The following HELZ variants were observed in gnomAD, a reference collection of about 807,000 sequenced individuals.
HELZ encodes ATP-dependent RNA helicase with zinc finger domain.
In HELZ, 23 loss-of-function variants were observed where a neutral mutation model predicts 218.2. The observed-to-expected ratio is 0.11, with a 90% CI of 0.08 to 0.15. HELZ has a LOEUF of 0.15. HELZ is among the 10% of genes least tolerant of loss of function. The pLI, the probability that HELZ is intolerant of heterozygous loss-of-function variation, is 1.00. For synonymous variants in HELZ, 814 were observed against 829.4 expected, an observed-to-expected ratio of 0.98 and a Z score of 0.32; for missense variants, 1,813 against 2,353.7, an observed-to-expected ratio of 0.77 and a Z score of 4.75.
At chr17:67,232,955 G>C (rs1383986057) in intron 3 of HELZ, among the ~76,000 whole-genome samples, 1 of 152,200 alleles carries the variant, frequency 6.6e-6, no homozygotes. Context: ...CCAACTGAGT[G>C]AAACCCTGTC....
chr17:67,175,332 C>T (rs573664533), intron 13 of HELZ, among the ~76,000 whole-genome samples: 80 of 152,304 alleles, frequency 5.3e-4, no homozygotes, highest in African/African-American at 1.9e-3. Context: ...GAGCCCTGCA[C>T]TACACCATAG....
Position 67,146,023 on chromosome 17 carries a change from A to C in HELZ, c.2622-133T>G, listed in dbSNP as rs186713709. 5 of 725,200 alleles carry C rather than the reference A, an allele frequency of 6.9e-6. No homozygotes were observed. The African/African-American group carries it at 9.0e-5, about 13-fold the overall frequency. 44.9% of individuals were successfully genotyped at this position (725,200 alleles called of 1,614,324 possible). A position where few individuals can be genotyped will look rare whatever the true frequency, so the allele number is the denominator to read the frequency against. ...TGATTAATTTTACTCCAATCATCTA[A>C]TACTTGTGATACCAAGAATTTCTCC... On this transcript the variant is annotated intron_variant, in intron 20 of 32. Transcript: ENST00000358691.
intron 15 of HELZ, among the ~76,000 whole-genome samples, chr17:67,164,742 G>A (rs997781442): frequency 3.9e-5 from 6 of 152,142 alleles, no homozygotes; most frequent in Non-Finnish European, 8.8e-5. Context: ...GGAGTGTCAA[G>A]TAGAAAAAAG....
intron 5 of HELZ, 33 bp downstream of exon 5, chr17:67,215,866 A>T (rs1168054085): frequency 7.1e-7 from 1 of 1,402,564 alleles, no homozygotes; most frequent in African/African-American, 1.4e-5. Context: ...ACATTGTTCA[A>T]TTCAATAATT....
chr17:67,203,120 C>CA (rs1278103791), intron 6 of HELZ, among the ~76,000 whole-genome samples, 199 bp downstream of exon 6: 3 of 144,288 alleles, frequency 2.1e-5, no homozygotes, highest in Non-Finnish European at 3.0e-5. Context: ...CACCTTGTCT[C>CA]AAAAAAAAGA....
chr17:67,131,280 C>T (rs941295821), intron 23 of HELZ, among the ~76,000 whole-genome samples: 15 of 152,174 alleles, frequency 9.9e-5, no homozygotes, highest in African/African-American at 2.9e-4. Flanking sequence ...TTTTAAGCTA[C>T]TTTTTAAAAC....
intron 12 of HELZ, among the ~76,000 whole-genome samples, chr17:67,181,711 A>G (rs1043803056): frequency 6.6e-6 from 1 of 151,622 alleles, no homozygotes; most frequent in Admixed American, 6.6e-5. Context: ...AAGAATCTTG[A>G]AAAAAAAATC....
chr17:67,103,752 A>C (rs974757672), intron 31 of HELZ, among the ~76,000 whole-genome samples: 2 of 152,226 alleles, frequency 1.3e-5, no homozygotes, highest in Admixed American at 6.5e-5. Flanking sequence ...CTGATCCTAA[A>C]CCTCACATGA....
rs1489565029 is a variant in HELZ at position 67,070,951 on chromosome 17, C to G, written c.*7301G>C. ...TAACTGATCTATGAAGTTAGCTGAA[C>G]AAGTTTAGATAAGAACTATATGTAT... On this transcript the variant is annotated 3_prime_UTR_variant, in exon 33 of 33. Transcript: ENST00000358691. The G allele has an allele frequency of 6.6e-6, 1 of 151,870 alleles. No homozygotes were observed. Among genetic ancestry groups the G allele is most frequent in the Non-Finnish European group, 1.5e-5 (1 of 67,992 alleles). The allele number at this position is 151,870 out of a possible 1,614,324, so 9.4% of individuals were successfully genotyped here. A position where few individuals can be genotyped will look rare whatever the true frequency, so the allele number is the denominator to read the frequency against.
At chr17:67,083,866 C>T (rs1392768600) in intron 32 of HELZ, among the ~76,000 whole-genome samples, 1 of 152,092 alleles carries the variant, frequency 6.6e-6, no homozygotes, top group African/African-American at 2.4e-5. Flanking sequence ...TACTAAGAGC[C>T]TAAAGTGTAT....
intron 31 of HELZ, among the ~76,000 whole-genome samples, chr17:67,098,620 T>C (rs1172977378): frequency 6.6e-6 from 1 of 150,988 alleles, no homozygotes; most frequent in African/African-American, 2.4e-5. Flanking sequence ...GGTGGGTGCC[T>C]GTAATCCCAG....
At chr17:67,123,414 A>G (rs545072225) in intron 25 of HELZ, among the ~76,000 whole-genome samples, 2 of 152,254 alleles carry the variant, frequency 1.3e-5, no homozygotes, top group East Asian at 1.9e-4. Flanking sequence ...TTTCTGAGGA[A>G]CTCAGGATGT....
intron 13 of HELZ, among the ~76,000 whole-genome samples, chr17:67,178,031 T>C (rs1415087324): frequency 6.6e-6 from 1 of 152,152 alleles, no homozygotes; most frequent in African/African-American, 2.4e-5. Flanking sequence ...ATCTAAAATA[T>C]ATTAATAGAA....
At chr17:67,122,864 AT>A (rs1039985556) in intron 26 of HELZ, 105 bp downstream of exon 26, 5 of 778,004 alleles carry the variant, frequency 6.4e-6, no homozygotes, top group Admixed American at 2.6e-5. Context: ...AGCACTGAAA[AT>A]TTTTTTTAAA....
At chr17:67,235,749 C>CTTTTTTTTTT (rs1216322685) in intron 3 of HELZ, among the ~76,000 whole-genome samples, 3 of 78,670 alleles carry the variant, frequency 3.8e-5, no homozygotes, top group Non-Finnish European at 4.5e-5. Context: ...ACCACACACT[C>CTTTTTTTTTT]TTTTTTTTTT....
intron 4 of HELZ, among the ~76,000 whole-genome samples, chr17:67,218,011 T>C (rs2040650059): frequency 6.6e-6 from 1 of 151,034 alleles, no homozygotes; most frequent in Admixed American, 6.6e-5. Context: ...CTCGGCTCCC[T>C]GCAACCTCTG....
intron 17 of HELZ, among the ~76,000 whole-genome samples, chr17:67,158,629 T>C (rs958141474): frequency 1.8e-4 from 28 of 152,196 alleles, no homozygotes; most frequent in African/African-American, 6.8e-4. Context: ...GAAATTTGCA[T>C]TTGAATATAT....
intron 13 of HELZ, among the ~76,000 whole-genome samples, chr17:67,171,269 A>C (rs1359081687): frequency 6.6e-6 from 1 of 152,196 alleles, no homozygotes; most frequent in Non-Finnish European, 1.5e-5. Flanking sequence ...CTGTAAATCC[A>C]ACTGTCAAAT....
intron 7 of HELZ, among the ~76,000 whole-genome samples, chr17:67,200,236 C>T (rs369155486): frequency 6.6e-6 from 1 of 152,186 alleles, no homozygotes; most frequent in South Asian, 2.1e-4. Context: ...CTTTTATATG[C>T]CTATATGAAG....
Sources: allele counts gnomAD v4.1 joint callset (sites outside exome capture counted in the v4.1 genomes callset), GRCh38; gene constraint gnomAD v4.1.1; transcripts MANE v1.5; gene names NCBI Gene and HGNC (gene_info 2026-07-23, HGNC 2026-07-21).